Variants in BANK1 observed in about 807,000 individuals in gnomAD.
The protein encoded by BANK1 is B-cell scaffold protein with ankyrin repeats.
BANK1 carries 95 observed loss-of-function variants against 94.5 expected under a neutral mutation model. That is an observed-to-expected ratio of 1.00 (90% confidence interval 0.85 to 1.19). BANK1 has a LOEUF of 1.19. Among genes scored for constraint, BANK1 ranks in the 50% most tolerant of loss-of-function variants. BANK1 has a pLI of 0.00. For missense variants in BANK1, 987 were observed against 932.2 expected, an observed-to-expected ratio of 1.06 and a Z score of -0.77; for synonymous variants, 334 against 308.4, an observed-to-expected ratio of 1.08 and a Z score of -0.87.
intron 15 of BANK1, among the ~76,000 whole-genome samples, chr4:102,073,458 G>A (rs1360318900): frequency 2.0e-5 from 3 of 151,914 alleles, no homozygotes; most frequent in Admixed American, 6.6e-5. Context: ...TGCTTAAAAT[G>A]TTCTGCAAAA....
intron 6 of BANK1, among the ~76,000 whole-genome samples, chr4:101,912,670 T>C (rs1220332725): frequency 2.0e-5 from 3 of 149,600 alleles, no homozygotes; most frequent in Non-Finnish European, 4.4e-5. Context: ...TATTGGCAGG[T>C]CTGAAATATG....
chr4:101,945,074 T>G (rs1723884995), intron 7 of BANK1, among the ~76,000 whole-genome samples: 1 of 152,034 alleles, frequency 6.6e-6, no homozygotes, highest in African/African-American at 2.4e-5. Context: ...GGTGCTTTAT[T>G]ATACCTCTCC....
At chr4:101,949,861 CT>C (rs1484605594) in intron 7 of BANK1, among the ~76,000 whole-genome samples, 2 of 152,104 alleles carry the variant, frequency 1.3e-5, no homozygotes, top group Non-Finnish European at 2.9e-5. Context: ...GTACATGTCA[CT>C]TATCAAAGTT....
chr4:101,811,791 C>A (rs1341155374), intron 1 of BANK1, among the ~76,000 whole-genome samples: 1 of 151,998 alleles, frequency 6.6e-6, no homozygotes, highest in Non-Finnish European at 1.5e-5. Flanking sequence ...TTTACATGAA[C>A]CCTGGGATAA....
At chr4:101,907,710 C>T (rs1303869734) in intron 6 of BANK1, among the ~76,000 whole-genome samples, 2 of 152,230 alleles carry the variant, frequency 1.3e-5, no homozygotes. Context: ...AGCAAAGTCT[C>T]AGGATACAAA....
chr4:101,906,804 T>C (rs967623947), intron 6 of BANK1, among the ~76,000 whole-genome samples: 1 of 152,148 alleles, frequency 6.6e-6, no homozygotes. Context: ...GTTCCAACTG[T>C]TGCTCTGAGA....
chr4:101,996,786 C>T (rs1427396451), intron 7 of BANK1, among the ~76,000 whole-genome samples: 3 of 152,146 alleles, frequency 2.0e-5, no homozygotes. Context: ...ATTTTGTATC[C>T]TGACACTTTA....
At chr4:101,840,760 T>C (rs35926162) in intron 2 of BANK1, among the ~76,000 whole-genome samples, 10,716 of 152,262 alleles carry the variant, frequency 0.07, 616 homozygotes, top group Admixed American at 0.19. Context: ...AGACCCCTGA[T>C]TTCCCACTTC....
intron 5 of BANK1, among the ~76,000 whole-genome samples, chr4:101,882,798 T>C (rs1017644626): frequency 3.3e-5 from 5 of 152,292 alleles, no homozygotes; most frequent in Admixed American, 2.6e-4. Context: ...TTACAACCAC[T>C]CTCTATTCTG....
rs778253084 is a variant in BANK1 at position 101,960,176 on chromosome 4, TA to T, written c.1206+41992del. Among the ~76,000 whole-genome samples the T allele has an allele frequency of 6.6e-5, 10 of 152,260 alleles. No individual in the cohort carries two copies. In the East Asian group the frequency reaches 9.7e-4, roughly 15 times the overall value. On this transcript the variant is annotated intron_variant, in intron 7 of 16. Transcript: ENST00000322953. ...TGGAAATCACCAAATTACCATAGTC[TA>T]AAAATGCAAGTGGAATTTATTAAGG...
chr4:101,987,534 C>A (rs1399040582), intron 7 of BANK1, among the ~76,000 whole-genome samples: 1 of 152,118 alleles, frequency 6.6e-6, no homozygotes, highest in Non-Finnish European at 1.5e-5. Context: ...ATATTCCATA[C>A]CAATTACCAA....
chr4:101,934,886 C>T (rs1211545805), intron 7 of BANK1, among the ~76,000 whole-genome samples: 1 of 151,526 alleles, frequency 6.6e-6, no homozygotes, highest in African/African-American at 2.4e-5. Context: ...GCCGTGTTTA[C>T]CTGCCCTTTT....
intron 3 of BANK1, among the ~76,000 whole-genome samples, chr4:101,859,189 G>T (rs1727783676): frequency 6.6e-6 from 1 of 152,186 alleles, no homozygotes; most frequent in African/African-American, 2.4e-5. Context: ...AGCAAAAGAT[G>T]CTTGTGTGCA....
chr4:101,983,417 T>C (rs892909604), intron 7 of BANK1, among the ~76,000 whole-genome samples: 1 of 152,084 alleles, frequency 6.6e-6, no homozygotes, highest in Non-Finnish European at 1.5e-5. Context: ...AAGCAAATTA[T>C]TAAAGTTCTG....
intron 7 of BANK1, among the ~76,000 whole-genome samples, chr4:102,003,937 A>G (rs1224226539): frequency 6.6e-6 from 1 of 151,432 alleles, no homozygotes; most frequent in Non-Finnish European, 1.5e-5. Flanking sequence ...ATATGTGTAT[A>G]TACGTATATA....
chr4:101,942,901 G>T (rs189744423), intron 7 of BANK1, among the ~76,000 whole-genome samples: 2 of 152,010 alleles, frequency 1.3e-5, no homozygotes, highest in Non-Finnish European at 2.9e-5. Context: ...TAATGAAATG[G>T]ACTCTGCCTT....
intron 7 of BANK1, among the ~76,000 whole-genome samples, chr4:101,999,426 T>C (rs1241540976): frequency 6.6e-6 from 1 of 152,178 alleles, no homozygotes; most frequent in East Asian, 1.9e-4. Context: ...TCAAAGAAAA[T>C]GGATGTCAAT....
chr4:101,968,401 G>A (rs1724835560), intron 7 of BANK1, among the ~76,000 whole-genome samples: 1 of 152,040 alleles, frequency 6.6e-6, no homozygotes, highest in Non-Finnish European at 1.5e-5. Flanking sequence ...CTGCTGAAAT[G>A]GCACTCTAAT....
intron 6 of BANK1, among the ~76,000 whole-genome samples, chr4:101,903,999 A>G (rs1722364309): frequency 6.6e-6 from 1 of 152,210 alleles, no homozygotes; most frequent in Non-Finnish European, 1.5e-5. Context: ...CACTGTGAAA[A>G]TTTTTTATGA....
Sources: allele counts gnomAD v4.1 joint callset (sites outside exome capture counted in the v4.1 genomes callset), GRCh38; gene constraint gnomAD v4.1.1; transcripts MANE v1.5; gene names NCBI Gene and HGNC (gene_info 2026-07-23, HGNC 2026-07-21).